FSD1L: variants seen among roughly 807,000 people sequenced by gnomAD.
The protein encoded by FSD1L is FSD1-like protein.
Under a neutral mutation model 71.6 loss-of-function variants are expected in FSD1L, and 45 were observed. The observed-to-expected ratio is 0.63, with a 90% CI of 0.49 to 0.81. The LOEUF is 0.81. Ranked by LOEUF, FSD1L falls within the 30% of genes least tolerant of loss-of-function variation. The pLI is 0.00. For synonymous variants in FSD1L, 197 were observed against 207.2 expected, an observed-to-expected ratio of 0.95 and a Z score of 0.42; for missense variants, 561 against 618.1, an observed-to-expected ratio of 0.91 and a Z score of 0.98.
At chr9:105,458,464 A>C (rs558216710) in intron 1 of FSD1L, among the ~76,000 whole-genome samples, 1 of 152,264 alleles carries the variant, frequency 6.6e-6, no homozygotes, top group South Asian at 2.1e-4. Context: ...TGAGCAAGGC[A>C]GTGGAGAGTT....
chr9:105,485,724 A>C (rs559012782), intron 7 of FSD1L, among the ~76,000 whole-genome samples: 1 of 151,444 alleles, frequency 6.6e-6, no homozygotes, highest in South Asian at 2.1e-4. Context: ...GCTCACTGCA[A>C]GCTCTGCCTC....
intron 10 of FSD1L, chr9:105,524,106 C>T: frequency 6.2e-7 from 1 of 1,612,066 alleles, no homozygotes. Flanking sequence ...AAGAGATGAG[C>T]CCTCTGGTCC....
At chr9:105,533,568 A>ATGTG (rs1836060640) in intron 10 of FSD1L, among the ~76,000 whole-genome samples, 10 of 149,134 alleles carry the variant, frequency 6.7e-5, no homozygotes, top group Admixed American at 6.7e-5. Context: ...GATTACAGGC[A>ATGTG]CCCACAACCA....
intron 12 of FSD1L, among the ~76,000 whole-genome samples, chr9:105,536,705 A>C (rs1349318900): frequency 6.6e-6 from 1 of 151,982 alleles, no homozygotes; most frequent in African/African-American, 2.4e-5. Context: ...GCTCAGTCTC[A>C]GCTCACTGCA....
chr9:105,535,393 A>G, intron 12 of FSD1L, 75 bp downstream of exon 12: 1 of 1,440,436 alleles, frequency 6.9e-7, no homozygotes, highest in Non-Finnish European at 9.5e-7. Flanking sequence ...AATCATCTAT[A>G]CAGGATTTCC....
chr9:105,527,370 A>G (rs1461122107), intron 10 of FSD1L, among the ~76,000 whole-genome samples: 1 of 152,148 alleles, frequency 6.6e-6, no homozygotes, highest in African/African-American at 2.4e-5. Flanking sequence ...TATGTTGTTC[A>G]AATTATGAGT....
At chr9:105,458,029 T>G (rs368462206) in intron 1 of FSD1L, among the ~76,000 whole-genome samples, 2 of 152,226 alleles carry the variant, frequency 1.3e-5, no homozygotes. Flanking sequence ...TACACCTCTC[T>G]TGTTCCTGCC....
At chr9:105,522,651 G>C in intron 10 of FSD1L, 1 of 1,612,494 alleles carries the variant, frequency 6.2e-7, no homozygotes, top group South Asian at 1.1e-5. Context: ...CAGCACTTCT[G>C]ACATCTTGGA....
intron 10 of FSD1L, chr9:105,524,829 C>T: frequency 6.3e-7 from 1 of 1,589,022 alleles, no homozygotes; most frequent in South Asian, 1.1e-5. Flanking sequence ...GAGCGGTGGT[C>T]CTGCTATGCT....
chr9:105,494,807 G>A (rs2131307303), intron 7 of FSD1L, among the ~76,000 whole-genome samples: 1 of 152,252 alleles, frequency 6.6e-6, no homozygotes, highest in East Asian at 1.9e-4. Context: ...GGTGGCTGCA[G>A]AACAGTGGAT....
chr9:105,483,014 G>C (rs1832312439), intron 6 of FSD1L, among the ~76,000 whole-genome samples: 2 of 152,206 alleles, frequency 1.3e-5, no homozygotes, highest in South Asian at 4.2e-4. Flanking sequence ...GATACTTGGG[G>C]CTGTAAAGAA....
In FSD1L at chr9:105,522,962, T is replaced by A; in HGVS notation, c.1025+10026T>A. 3 of 1,613,962 alleles carry A rather than the reference T, an allele frequency of 1.9e-6. No homozygotes were observed. In the Admixed American group the frequency reaches 5.0e-5, roughly 27 times the overall value. On this transcript the variant is annotated intron_variant, in intron 10 of 13. Transcript: ENST00000481272. ...CTCCTGCCAGTGCAGGGAGCAGTGA[T>A]CTTATCAGCTCAGATAGTCATTCGG...
chr9:105,469,361 T>C (rs1831286967), intron 4 of FSD1L, among the ~76,000 whole-genome samples: 1 of 115,418 alleles, frequency 8.7e-6, no homozygotes, highest in Admixed American at 9.7e-5. Flanking sequence ...TTTTCCATAG[T>C]GGCTGCACTA....
At chr9:105,467,919 C>T (rs898913664) in intron 3 of FSD1L, among the ~76,000 whole-genome samples, 13 of 152,110 alleles carry the variant, frequency 8.5e-5, no homozygotes, top group Admixed American at 2.6e-4. Flanking sequence ...TTCATGTTGT[C>T]CTGTGGAAAC....
At chr9:105,459,083 G>A (rs142089026) in intron 1 of FSD1L, among the ~76,000 whole-genome samples, 2 of 152,222 alleles carry the variant, frequency 1.3e-5, no homozygotes, top group African/African-American at 4.8e-5. Flanking sequence ...TGCCTGTTCA[G>A]CCAGTCTCCC....
At chr9:105,494,115 C>A (rs1259834623) in intron 7 of FSD1L, among the ~76,000 whole-genome samples, 1 of 151,922 alleles carries the variant, frequency 6.6e-6, no homozygotes, top group Admixed American at 6.6e-5. Context: ...TGGTTCCATT[C>A]TCCCCGTCAC....
intron 10 of FSD1L, among the ~76,000 whole-genome samples, chr9:105,527,818 T>G (rs914252908): frequency 3.3e-5 from 5 of 151,606 alleles, no homozygotes; most frequent in African/African-American, 9.7e-5. Flanking sequence ...GAGAAAGAAA[T>G]AAAGCGTATT....
Position 105,521,172 on chromosome 9 carries a change from C to A in FSD1L, c.1025+8236C>A. ...CATTAAGGCTCGTGTTATTGTCATT[C>A]GTTGGCTGGTTTCTTTCTGGCTGGA... On this transcript the variant is annotated intron_variant, in intron 10 of 13. Transcript: ENST00000481272. 4 of 1,614,048 alleles carry A rather than the reference C, an allele frequency of 2.5e-6. No individual in the cohort carries two copies. In the South Asian group the frequency reaches 3.3e-5, roughly 13 times the overall value.
intron 7 of FSD1L, among the ~76,000 whole-genome samples, chr9:105,499,399 GTTTC>G (rs1198468908): frequency 6.6e-6 from 1 of 151,886 alleles, no homozygotes; most frequent in African/African-American, 2.4e-5. Flanking sequence ...ATTGCTCTTT[GTTTC>G]TTTGTCTTTA....
Sources: gnomAD v4.1 joint callset for allele counts (sites outside exome capture counted in the v4.1 genomes callset) on GRCh38, gnomAD v4.1.1 for gene constraint, MANE v1.5 for transcripts, NCBI Gene and HGNC (gene_info 2026-07-23, HGNC 2026-07-21) for gene names.